Variants in MYPN observed in about 807,000 individuals in gnomAD.
The protein encoded by MYPN is myopalladin.
MYPN carries 63 observed loss-of-function variants against 129.4 expected under a neutral mutation model. That is an observed-to-expected ratio of 0.49 (90% CI 0.40 to 0.60). MYPN has a LOEUF of 0.60. MYPN is among the 20% of genes least tolerant of loss of function. MYPN has a pLI of 0.00. For synonymous variants in MYPN, 629 were observed against 600.9 expected, an observed-to-expected ratio of 1.05 and a Z score of -0.68; for missense variants, 1,596 against 1,635.4, an observed-to-expected ratio of 0.98 and a Z score of 0.42.
chr10:68,140,082 G>A (rs77368905), intron 2 of MYPN, among the ~76,000 whole-genome samples: 17,033 of 152,156 alleles, frequency 0.11, 2,186 homozygotes, highest in African/African-American at 0.32. Flanking sequence ...TTGAGCTGAG[G>A]TCTGACTCAT....
At chr10:68,188,618 T>C (rs903593926) in intron 12 of MYPN, among the ~76,000 whole-genome samples, 2 of 152,210 alleles carry the variant, frequency 1.3e-5, no homozygotes, top group African/African-American at 4.8e-5. Flanking sequence ...ATAGTAGCTC[T>C]GAAAATTATA....
chr10:68,206,211 T>C (rs1394888466), intron 18 of MYPN, among the ~76,000 whole-genome samples: 2 of 152,172 alleles, frequency 1.3e-5, no homozygotes, highest in Non-Finnish European at 2.9e-5. Context: ...CCTTTGATTC[T>C]GATATAATTA....
intron 5 of MYPN, among the ~76,000 whole-genome samples, chr10:68,148,763 G>A (rs2042714570): frequency 6.6e-6 from 1 of 152,140 alleles, no homozygotes; most frequent in Admixed American, 6.6e-5. Flanking sequence ...TCTCAGACTG[G>A]CCTAGAACAA....
In MYPN at chr10:68,131,303, C is replaced by T. The variant is rs983446393; in HGVS notation, c.902+8963C>T. Among the ~76,000 whole-genome samples the T allele has an allele frequency of 8.6e-5, 13 of 151,510 alleles. No homozygotes were observed. The East Asian group carries it at 1.9e-3, about 23-fold the overall frequency. ...ACTTGGGAGGCTGAGGCAGGAGAAT[C>T]GCTTGAACTCAGGATGTGGGGGTTG... is the stretch of plus-strand genomic sequence containing the variant. On this transcript the variant is annotated intron_variant, in intron 2 of 19. Transcript: ENST00000358913.
At position 68,199,583 on chromosome 10, in the gene MYPN, T is replaced by A; in HGVS notation, c.3493+8T>A. ...TGGAGCTCTCTGTAGTAGGTAAGGT[T>A]TGCTGCTGGGACCCCTAAACACAAC... On this transcript the variant is annotated splice_region_variant and intron_variant, in intron 17 of 19. Coordinates refer to ENST00000358913, the MANE Select transcript of MYPN (RefSeq NM_032578.4). 1 of 1,582,894 alleles carries A rather than the reference T, an allele frequency of 6.3e-7. No homozygotes were observed. The highest frequency in any genetic ancestry group is 8.6e-7 in the Non-Finnish European group (1 of 1,162,472).
At chr10:68,090,356 G>A (rs2041925263) in intron 1 of MYPN, among the ~76,000 whole-genome samples, 1 of 152,012 alleles carries the variant, frequency 6.6e-6, no homozygotes, top group Non-Finnish European at 1.5e-5. Flanking sequence ...GTAGAGATGG[G>A]GTTTCACCAC....
intron 13 of MYPN, among the ~76,000 whole-genome samples, chr10:68,191,961 G>T (rs1362190671): frequency 6.6e-6 from 1 of 152,104 alleles, no homozygotes; most frequent in African/African-American, 2.4e-5. Flanking sequence ...AGGATAATTT[G>T]ACTTCTTCCT....
chr10:68,207,427 A>G (rs1194662069), intron 19 of MYPN, among the ~76,000 whole-genome samples: 2 of 152,174 alleles, frequency 1.3e-5, no homozygotes, highest in Non-Finnish European at 2.9e-5. Flanking sequence ...CTTCTTCCAG[A>G]ACAGTGCCTC....
At chr10:68,155,130 G>A (rs185889957) in intron 6 of MYPN, among the ~76,000 whole-genome samples, 3 of 152,110 alleles carry the variant, frequency 2.0e-5, no homozygotes, top group South Asian at 2.1e-4. Flanking sequence ...GCAGTGACCC[G>A]AGATCATACC....
intron 15 of MYPN, among the ~76,000 whole-genome samples, chr10:68,196,288 C>T (rs2043602975): frequency 6.6e-6 from 1 of 152,074 alleles, no homozygotes; most frequent in Non-Finnish European, 1.5e-5. Context: ...GGTTTTCTTC[C>T]TCTCTGATTT....
chr10:68,123,714 TAA>T (rs2042285401), intron 2 of MYPN, among the ~76,000 whole-genome samples: 1 of 150,786 alleles, frequency 6.6e-6, no homozygotes, highest in Admixed American at 6.6e-5. Context: ...AATAAATAAA[TAA>T]ATAAATAAGT....
In MYPN at chr10:68,203,339, A is replaced by T. The variant is rs188145817; in HGVS notation, c.3659+1345A>T. 3.3e-5 allele frequency among the ~76,000 whole-genome samples: 5 copies of T among 152,300 alleles called. No individual in the cohort carries two copies. The East Asian group carries it at 9.6e-4, about 29-fold the overall frequency. ...CACAGTGGCTCATGCCTGTAATCCC[A>T]ACATTTTGGGAGGCCAAGGCAGGAG... On this transcript the variant is annotated intron_variant, in intron 18 of 19. Transcript: ENST00000358913.
intron 18 of MYPN, among the ~76,000 whole-genome samples, chr10:68,206,241 T>C (rs1379505871): frequency 6.6e-6 from 1 of 152,188 alleles, no homozygotes; most frequent in African/African-American, 2.4e-5. Flanking sequence ...TGGCCTGGGA[T>C]TCCAATATGC....
upstream of MYPN, among the ~76,000 whole-genome samples, chr10:68,108,485 G>A (rs1171286054): frequency 6.6e-6 from 1 of 152,154 alleles, no homozygotes; most frequent in Non-Finnish European, 1.5e-5. Flanking sequence ...ATGAATGAAT[G>A]ACTAGGAAGA....
intron 12 of MYPN, among the ~76,000 whole-genome samples, chr10:68,184,289 C>T (rs1375107137): frequency 6.6e-6 from 1 of 152,176 alleles, no homozygotes; most frequent in Non-Finnish European, 1.5e-5. Flanking sequence ...CTTGATATGC[C>T]CTTTTCTTCA....
intron 2 of MYPN, among the ~76,000 whole-genome samples, chr10:68,122,908 T>A (rs1253951063): frequency 1.3e-5 from 2 of 151,652 alleles, no homozygotes; most frequent in African/African-American, 4.8e-5. Flanking sequence ...GTCTCAAAAA[T>A]AAATAAATAA....
Position 68,175,328 on chromosome 10 carries a change from C to T in MYPN, c.2570C>T (p.Ser857Phe), listed in dbSNP as rs376431940. 3 of 1,613,786 alleles carry T rather than the reference C, an allele frequency of 1.9e-6. No homozygotes were observed. Among genetic ancestry groups the T allele is most frequent in the African/African-American group, 2.7e-5 (2 of 74,870 alleles). The change falls in exon 12 of 20, where the codon TCC becomes TTC. Residue 857 changes from serine to phenylalanine, a missense_variant. By Grantham distance (155) the Ser-to-Phe change is radical. Coordinates refer to ENST00000358913, the MANE Select transcript of MYPN (RefSeq NM_032578.4). The stretch of plus-strand genomic sequence containing the variant: ...GGTGTGGATTTATCTTACAGGCCAT[C>T]CCAGGGATTAGCGAAGAAAAATACA... The part of the protein sequence containing the change: ...GLPRSAPSMP[S>F]QGLAKKNTKS...
intron 2 of MYPN, among the ~76,000 whole-genome samples, chr10:68,138,110 C>CTTT (rs71009009): frequency 1.4e-5 from 2 of 143,008 alleles, no homozygotes; most frequent in African/African-American, 2.6e-5. Flanking sequence ...CTTTTTTCTT[C>CTTT]TTTTTTTTTT....
At chr10:68,175,123 C>T (rs1286551379) in intron 11 of MYPN, among the ~76,000 whole-genome samples, 200 bp from the exon 12 acceptor site, 1 of 92,700 alleles carries the variant, frequency 1.1e-5, no homozygotes, top group Non-Finnish European at 2.2e-5. Context: ...ATGACAGAGA[C>T]TCTGTCTCAA....
Sources: allele counts gnomAD v4.1 joint callset (sites outside exome capture counted in the v4.1 genomes callset), GRCh38; gene constraint gnomAD v4.1.1; transcripts MANE v1.5; gene names NCBI Gene and HGNC (gene_info 2026-07-23, HGNC 2026-07-21).